KMT2A: variants seen among roughly 807,000 people sequenced by gnomAD.
KMT2A encodes the protein lysine methyltransferase 2A.
Under a neutral mutation model 345.3 loss-of-function variants are expected in KMT2A, and 16 were observed. That is an observed-to-expected ratio of 0.05 (90% CI 0.03 to 0.07). The LOEUF (loss-of-function observed/expected upper bound fraction) is 0.07. Among genes scored for constraint, KMT2A ranks in the 10% least tolerant of loss-of-function variants. KMT2A has a pLI of 1.00. For missense variants in KMT2A, 3,272 were observed against 4,841.6 expected, an observed-to-expected ratio of 0.68 and a Z score of 9.62; for synonymous variants, 1,599 against 1,778.6, an observed-to-expected ratio of 0.90 and a Z score of 2.54.
At position 118,493,979 on chromosome 11, in the gene KMT2A, G is replaced by C. The variant is rs1950365110; in HGVS notation, c.5179-309G>C. On this transcript the variant is annotated intron_variant, in intron 16 of 35. Coordinates refer to ENST00000534358, the MANE Select transcript of KMT2A (RefSeq NM_001197104.2). This position sits in a 1 kb window ranked among gnomAD's most constrained non-coding sequence, Gnocchi z 5.8. ...ACCCACATCAGCCTCCCAAAGTGCTGGGATTACAGGCGTGAGCCACTGTTT... is the reference window on the plus strand; with the variant it reads ...ACCCACATCAGCCTCCCAAAGTGCTCGGATTACAGGCGTGAGCCACTGTTT... 1.3e-5 allele frequency among the ~76,000 whole-genome samples: 2 copies of C among 152,178 alleles called. No homozygotes were observed. Among genetic ancestry groups the C allele is most frequent in the African/African-American group, 4.8e-5 (2 of 41,444 alleles).
In KMT2A at chr11:118,524,733, C is replaced by T. The variant is rs1297425229; in HGVS notation, c.*2561C>T. ...AAGAAAAAAAAAAAACCTTAAGCTG[C>T]ATTTGTTACTGAAATGATTAATGCA... On this transcript the variant is annotated 3_prime_UTR_variant, in exon 36 of 36. Transcript: ENST00000534358. The T allele has an allele frequency of 1.1e-5, 2 of 178,852 alleles. No homozygotes were observed. The highest frequency in any genetic ancestry group is 4.8e-5 in the African/African-American group (2 of 42,068). 11.1% of individuals were successfully genotyped at this position (178,852 alleles called of 1,614,324 possible). A position where few individuals can be genotyped will look rare whatever the true frequency, so the allele number is the denominator to read the frequency against.
chr11:118,482,076 T>C lies in KMT2A; in HGVS notation c.3996T>C (p.Pro1332=), dbSNP rs781933086. The change falls in exon 7 of 36, where the codon CCT becomes CCC. Residue 1332 remains proline (P), a synonymous_variant. Coordinates refer to ENST00000534358, the MANE Select transcript of KMT2A (RefSeq NM_001197104.2). ...CTAGTGAGCCCAAGAAAAAGCAGCC[T>C]CCACCACCAGAATCAGGTGAGTGAG... The part of the protein sequence containing the change: ...TTPSEPKKKQ[P]PPPESGPEQS... 6.2e-7 allele frequency: 1 copy of C among 1,607,528 alleles called. No individual in the cohort carries two copies. Among genetic ancestry groups the C allele is most frequent in the African/African-American group, 1.3e-5 (1 of 74,210 alleles).
chr11:118,478,177 G>A lies in KMT2A; in HGVS notation c.3545G>A (p.Arg1182His), dbSNP rs782323910. 3 of 1,613,762 alleles carry A rather than the reference G, an allele frequency of 1.9e-6. No homozygotes were observed. Among genetic ancestry groups the A allele is most frequent in the Middle Eastern group, 1.7e-4 (1 of 6,056 alleles). The change falls in exon 5 of 36, where the codon CGC (arginine) becomes CAC (histidine). Residue 1182 changes from arginine to histidine, a missense_variant. Coordinates refer to ENST00000534358, the MANE Select transcript of KMT2A (RefSeq NM_001197104.2). ...TTAGATAAGCCCAAGTTTGGTGGTC[G>A]CAATATAAAGAAGCAGTGCTGCAAG... ...NCLDKPKFGG[R>H]NIKKQCCKMR...
chr11:118,515,762 C>T (rs1374239043), intron 31 of KMT2A, among the ~76,000 whole-genome samples: 1 of 139,544 alleles, frequency 7.2e-6, no homozygotes, highest in Non-Finnish European at 1.5e-5. Flanking sequence ...AATCTTGGCT[C>T]ACTGCAACCT....
At chr11:118,475,102 C>T (rs1255549980) in intron 3 of KMT2A, among the ~76,000 whole-genome samples, 2 of 152,138 alleles carry the variant, frequency 1.3e-5, no homozygotes, top group African/African-American at 4.8e-5. Flanking sequence ...CACTGCACTC[C>T]AGCCTGGGCC....
At chr11:118,459,831 C>A (rs565666859) in intron 1 of KMT2A, among the ~76,000 whole-genome samples, 1 of 145,856 alleles carries the variant, frequency 6.9e-6, no homozygotes. Context: ...GGATTACAGG[C>A]GGGCACTACC....
chr11:118,503,723 G>A lies in KMT2A; in HGVS notation c.7831G>A (p.Glu2611Lys), dbSNP rs587783679. 1 of 1,614,066 alleles carries A rather than the reference G, an allele frequency of 6.2e-7. No homozygotes were observed. The highest frequency in any genetic ancestry group is 8.5e-7 in the Non-Finnish European group (1 of 1,180,048). Reference protein sequence around the residue: ...LMLPDGPKPQEDGSFKRRYPR... With the variant: ...LMLPDGPKPQKDGSFKRRYPR... ...GCTTCCAGATGGCCCCAAACCTCAG[G>A]AGGATGGCTCTTTTAAAAGGAGGTA... The change falls in exon 27 of 36, where the codon GAG (glutamate) becomes AAG (lysine). Residue 2611 changes from glutamate to lysine, a missense_variant. By Grantham distance (56) the Glu-to-Lys change is moderately conservative (BLOSUM62 1). Coordinates refer to ENST00000534358, the MANE Select transcript of KMT2A (RefSeq NM_001197104.2). The surrounding 1 kb of genome is among the most constrained non-coding windows in gnomAD (Gnocchi z 5.3).
At chr11:118,509,273 C>T (rs1950642052) in intron 29 of KMT2A, 73 bp downstream of exon 29, 1 of 1,197,198 alleles carries the variant, frequency 8.4e-7, no homozygotes, top group Non-Finnish European at 1.2e-6. Flanking sequence ...ACCCACTTTA[C>T]CTACTTATTT....
rs1950531097 is a variant in KMT2A, at chr11:118,503,312, C to A, written c.7420C>A (p.Pro2474Thr). The A allele has an allele frequency of 6.2e-7, 1 of 1,613,900 alleles. No homozygotes were observed. Among genetic ancestry groups the A allele is most frequent in the Non-Finnish European group, 8.5e-7 (1 of 1,179,976 alleles). ...AGAGTTTATGGATGAGGTTTTGACT[C>A]CTGAGTATATGGGCCAACGACCATG... Reference protein sequence around the residue: ...KPEFMDEVLTPEYMGQRPCNN... With the variant: ...KPEFMDEVLTTEYMGQRPCNN... Residue 2474 changes from proline (P) to threonine (T), a missense_variant, in exon 27 of 36, where the codon CCT (proline) becomes ACT (threonine). Physicochemically the swap from Pro to Thr is conservative, Grantham distance 38. Around this residue, in one of 27 missense-constraint regions of KMT2A, gnomAD observed 445 missense variants for 500.9 expected, o/e 0.89. Transcript: ENST00000534358. The surrounding 1 kb of genome is among the most constrained non-coding windows in gnomAD (Gnocchi z 5.3).
Position 118,505,633 on chromosome 11 carries a change from C to A in KMT2A, c.9741C>A (p.Ala3247=), listed in dbSNP as rs2134407610. The A allele has an allele frequency of 1.2e-6, 2 of 1,614,138 alleles. 1 individual carries two copies. The highest frequency in any genetic ancestry group is 2.2e-5 in the South Asian group (2 of 91,072). Residue 3247 remains alanine, a synonymous_variant, in exon 27 of 36, where the codon GCC becomes GCA. Coordinates refer to ENST00000534358, the MANE Select transcript of KMT2A (RefSeq NM_001197104.2). This position sits in a 1 kb window ranked among gnomAD's most constrained non-coding sequence, Gnocchi z 4.6. The part of the protein sequence containing the change: ...LAPSSTPSNI[A]PSDVVSNMTL... Reference sequence around the variant, plus strand: ...CCTCTAGTACCCCTTCAAACATTGCCCCTTCTGATGTGGTTTCTAATATGA... The same window carrying A: ...CCTCTAGTACCCCTTCAAACATTGCACCTTCTGATGTGGTTTCTAATATGA...
intron 31 of KMT2A, 24 bp from the exon 32 acceptor site, chr11:118,519,594 C>A: frequency 6.2e-7 from 1 of 1,603,204 alleles, no homozygotes; most frequent in Non-Finnish European, 8.5e-7. Flanking sequence ...CTCCTCACTT[C>A]CCTGGTGCTT....
intron 3 of KMT2A, among the ~76,000 whole-genome samples, chr11:118,475,717 C>T (rs1469261495): frequency 1.3e-5 from 2 of 151,930 alleles, no homozygotes; most frequent in Non-Finnish European, 2.9e-5. Flanking sequence ...GGCGAGACTC[C>T]GTCTCTAAAA....
intron 23 of KMT2A, 69 bp downstream of exon 23, chr11:118,499,489 T>C (rs1950464339): frequency 2.0e-6 from 2 of 1,023,446 alleles, no homozygotes; most frequent in African/African-American, 3.1e-5. Context: ...TCCTCAGTTA[T>C]AAAATGACCC....
At chr11:118,481,689 A>T in intron 6 of KMT2A, 26 bp from the exon 7 acceptor site, 1 of 1,591,794 alleles carries the variant, frequency 6.3e-7, no homozygotes, top group Non-Finnish European at 8.5e-7. Context: ...CTATAGACAG[A>T]TGATGTTGTT....
chr11:118,481,881 C>T lies in KMT2A; in HGVS notation c.3801C>T (p.Val1267=), dbSNP rs926860276. 21 of 1,614,120 alleles carry T rather than the reference C, an allele frequency of 1.3e-5. No homozygotes were observed. In the East Asian group the frequency reaches 1.6e-4, roughly 12 times the overall value. ...GTGAGCCTCCTCCACGAAAGCCCGT[C>T]GAGGAAAAGAGTGAAGAAGGGAATG... ...SSSEPPPRKP[V]EEKSEEGNVS... Residue 1267 remains valine, a synonymous_variant, in exon 7 of 36, where the codon GTC becomes GTT. Coordinates refer to ENST00000534358, the MANE Select transcript of KMT2A (RefSeq NM_001197104.2).
chr11:118,442,565 A>G (rs1284114450), intron 1 of KMT2A, among the ~76,000 whole-genome samples: 1 of 152,240 alleles, frequency 6.6e-6, no homozygotes, highest in African/African-American at 2.4e-5. Context: ...AGACAAGACA[A>G]TCAGATGAAA....
At chr11:118,448,282 A>G (rs995708640) in intron 1 of KMT2A, 1 of 152,224 alleles carries the variant, frequency 6.6e-6, no homozygotes, top group Admixed American at 6.5e-5. Context: ...AAAGAGGTAT[A>G]GTTCAGAATA....
At position 118,502,624 on chromosome 11, in the gene KMT2A, A is replaced by C. The variant is rs1555046130; in HGVS notation, c.6732A>C (p.Lys2244Asn). The C allele has an allele frequency of 1.9e-6, 3 of 1,614,178 alleles. No individual in the cohort carries two copies. Among genetic ancestry groups the C allele is most frequent in the Non-Finnish European group, 2.5e-6 (3 of 1,180,018 alleles). The change falls in exon 27 of 36, where the codon AAA becomes AAC. Residue 2244 changes from lysine to asparagine, a missense_variant. This residue lies in a region of KMT2A where 445 missense variants were observed against 500.9 expected (regional missense o/e 0.89). Transcript: ENST00000534358. This position sits in a 1 kb window ranked among gnomAD's most constrained non-coding sequence, Gnocchi z 4.9. ...CTACTGATCTTGAATCAAGTGCCAA[A>C]GTAGTTGATCATGTCTTAGGGCCAC... ...GTATDLESSA[K>N]VVDHVLGPLN...
At chr11:118,519,438 G>C (rs1950907398) in intron 31 of KMT2A, 180 bp from the exon 32 acceptor site, 1 of 550,156 alleles carries the variant, frequency 1.8e-6, no homozygotes, top group African/African-American at 1.8e-5. Context: ...TTTCCATATT[G>C]ATAGATCTGT....
Sources: gnomAD v4.1 joint callset for allele counts (sites outside exome capture counted in the v4.1 genomes callset) on GRCh38, gnomAD v4.1.1 for gene constraint, gnomAD v4.1.1 regional missense constraint, Gnocchi (gnomAD v3.1) non-coding constraint, MANE v1.5 for transcripts, NCBI Gene and HGNC (gene_info 2026-07-23, HGNC 2026-07-21) for gene names.